Variants in SPTA1 observed in about 807,000 individuals in gnomAD.
The protein encoded by SPTA1 is spectrin alpha, erythrocytic 1, also known as spectrin alpha chain, erythrocytic 1.
Under a neutral mutation model 324.7 loss-of-function variants are expected in SPTA1, and 177 were observed. The observed-to-expected ratio is 0.55, with a 90% CI of 0.48 to 0.62. The LOEUF (loss-of-function observed/expected upper bound fraction) is 0.62. SPTA1 is among the 20% of genes least tolerant of loss of function. The pLI is 0.00. For synonymous variants in SPTA1, 1,195 were observed against 1,041.3 expected, an observed-to-expected ratio of 1.15 and a Z score of -2.84; for missense variants, 3,162 against 2,883.6, an observed-to-expected ratio of 1.10 and a Z score of -2.21.
chr1:158,654,867 C>A, intron 20 of SPTA1, 119 bp from the exon 21 acceptor site: 1 of 1,352,086 alleles, frequency 7.4e-7, no homozygotes, highest in East Asian at 2.4e-5. Flanking sequence ...GCTGGAACCT[C>A]TTACGTGGCT....
At chr1:158,613,913 A>G in intron 49 of SPTA1, 46 bp from the exon 50 acceptor site, 2 of 1,590,992 alleles carry the variant, frequency 1.3e-6, no homozygotes, top group Non-Finnish European at 1.7e-6. Flanking sequence ...CTCAATAGAA[A>G]AACCAAGTGA....
Position 158,672,079 on chromosome 1 carries a change from T to G in SPTA1, c.1468A>C (p.Ser490Arg), listed in dbSNP as rs751275995. The G allele has an allele frequency of 5.0e-6, 8 of 1,613,928 alleles. No individual in the cohort carries two copies. The African/African-American group carries it at 1.1e-4, about 22-fold the overall frequency. ...GTTACCTCTTGTCTACTCATCCAAC[T>G]GTCCACTTGCTCACTGTCTCTGTAG... The part of the protein sequence containing the change: ...LFYRDSEQVD[S>R]WMSRQEAFLE... The change falls in exon 11 of 52, where the codon AGT becomes CGT. Residue 490 changes from serine to arginine, a missense_variant. Transcript: ENST00000643759.
chr1:158,642,495 T>A lies in SPTA1; in HGVS notation c.4653A>T (p.Arg1551=), dbSNP rs1435655724. The A allele has an allele frequency of 6.2e-7, 1 of 1,613,562 alleles. No individual in the cohort carries two copies. Among genetic ancestry groups the A allele is most frequent in the Admixed American group, 1.7e-5 (1 of 59,940 alleles). ...TGATGACGCCATGCACCTGCTCAGA[T>A]CGGCCATCGACTTCATGTGCAAAGG... The part of the protein sequence containing the change: ...HQTFAHEVDG[R]SEQVHGVINL... Residue 1551 remains arginine (R), a synonymous_variant, in exon 33 of 52, where the codon CGA becomes CGT. Transcript: ENST00000643759.
At chr1:158,634,519 T>G (rs780973714) in intron 39 of SPTA1, 24 bp downstream of exon 39, 1 of 1,613,364 alleles carries the variant, frequency 6.2e-7, no homozygotes, top group Non-Finnish European at 8.5e-7. Flanking sequence ...AGAAGAAAAT[T>G]GATTCATTCT....
At chr1:158,657,963 G>A (rs558353290) in intron 18 of SPTA1, among the ~76,000 whole-genome samples, 49 of 152,262 alleles carry the variant, frequency 3.2e-4, no homozygotes, top group African/African-American at 1.2e-3. Context: ...TAATGTGTGG[G>A]TGACTGAGAG....
chr1:158,674,242 C>T, intron 10 of SPTA1, 87 bp downstream of exon 10: 2 of 1,317,484 alleles, frequency 1.5e-6, no homozygotes, highest in Admixed American at 3.4e-5. Flanking sequence ...TATTCTTTTC[C>T]CATTTAGAGA....
chr1:158,674,217 C>T (rs898054644), intron 10 of SPTA1, 112 bp downstream of exon 10: 26 of 1,103,438 alleles, frequency 2.4e-5, no homozygotes, highest in East Asian at 7.1e-5. Flanking sequence ...ATTATTAACA[C>T]GTTTAAATGA....
intron 16 of SPTA1, 147 bp downstream of exon 16, chr1:158,666,168 TA>T (rs968987100): frequency 3.1e-6 from 2 of 654,960 alleles, no homozygotes; most frequent in Non-Finnish European, 5.2e-6. Context: ...TATTACTTAA[TA>T]ATCAGTGTGC....
At chr1:158,655,318 A>G (rs536146902) in intron 20 of SPTA1, among the ~76,000 whole-genome samples, 1 of 136,846 alleles carries the variant, frequency 7.3e-6, no homozygotes, top group African/African-American at 3.7e-5. Flanking sequence ...CTTGTGTCTC[A>G]GTTTAGTAAG....
chr1:158,671,010 C>G (rs1653986273), intron 12 of SPTA1, among the ~76,000 whole-genome samples: 1 of 151,860 alleles, frequency 6.6e-6, no homozygotes, highest in Admixed American at 6.5e-5. Context: ...TGGCTACCAT[C>G]TAGAAAAACT....
At position 158,638,191 on chromosome 1, in the gene SPTA1, C is replaced by T. The variant is rs1374103315; in HGVS notation, c.5031G>A (p.Gly1677=). 19 of 1,613,660 alleles carry T rather than the reference C, an allele frequency of 1.2e-5. No homozygotes were observed. The highest frequency in any genetic ancestry group is 1.6e-5 in the Non-Finnish European group (19 of 1,179,968). ...TCACAATCTGATCAACGTTGAAAGT[C>T]CCGCTGGAGAGCAAATCTTCAGCCA... ...NTLAEDLLSS[G]TFNVDQIVKK... is the part of the protein sequence containing the mutation. The change falls in exon 36 of 52, where the codon GGG becomes GGA. Residue 1677 remains glycine (G), a synonymous_variant. Coordinates refer to ENST00000643759, the MANE Select transcript of SPTA1 (RefSeq NM_003126.4).
chr1:158,621,639 A>T (rs1447287860), intron 43 of SPTA1, among the ~76,000 whole-genome samples: 2 of 152,210 alleles, frequency 1.3e-5, no homozygotes, highest in African/African-American at 4.8e-5. Context: ...TAGAATGCAC[A>T]TATATGTGTA....
rs1487389517 is a variant in SPTA1 at position 158,611,135 on chromosome 1, A to G, written c.*129T>C. The G allele has an allele frequency of 1.4e-4, 72 of 503,312 alleles. No individual in the cohort carries two copies. Among genetic ancestry groups the G allele is most frequent in the Admixed American group, 3.3e-4 (8 of 24,136 alleles). The allele number at this position is 503,312 out of a possible 1,614,324, so 31.2% of individuals were successfully genotyped here. On this transcript the variant is annotated 3_prime_UTR_variant, in exon 52 of 52. Coordinates refer to ENST00000643759, the MANE Select transcript of SPTA1 (RefSeq NM_003126.4). ...GTAATATGCACACAAACACAAGCACACACACACACACACACACACACACAC... is the reference window on the plus strand; with the variant it reads ...GTAATATGCACACAAACACAAGCACGCACACACACACACACACACACACAC...
Position 158,615,323 on chromosome 1 carries a change from C to T in SPTA1, c.6681G>A (p.Leu2227=). Residue 2227 remains leucine (L), a synonymous_variant, in exon 48 of 52, where the codon CTG becomes CTA. Coordinates refer to ENST00000643759, the MANE Select transcript of SPTA1 (RefSeq NM_003126.4). ...VDLGDNLEDA[L]ILDIKYSTIG... Reference sequence around the variant, plus strand: ...TGGTGCTGTATTTGATATCAAGGATCAGAGCGTCTTCCAAGTTGTCCCCCA... The same window carrying T: ...TGGTGCTGTATTTGATATCAAGGATTAGAGCGTCTTCCAAGTTGTCCCCCA... 1 of 1,614,132 alleles carries T rather than the reference C, an allele frequency of 6.2e-7. No individual in the cohort carries two copies. Among genetic ancestry groups the T allele is most frequent in the Non-Finnish European group, 8.5e-7 (1 of 1,180,038 alleles).
rs778144495 is a variant in SPTA1, at chr1:158,674,566, G to C, written c.1222C>G (p.Leu408Val). 186 of 1,613,914 alleles carry C rather than the reference G, an allele frequency of 1.2e-4. No individual in the cohort carries two copies. Among genetic ancestry groups the C allele is most frequent in the Non-Finnish European group, 1.5e-4 (176 of 1,179,996 alleles). Residue 408 changes from leucine (L) to valine (V), a missense_variant, in exon 9 of 52, where the codon CTG (leucine) becomes GTG (valine). Leu to Val is a conservative substitution (Grantham distance 32). Coordinates refer to ENST00000643759, the MANE Select transcript of SPTA1 (RefSeq NM_003126.4). ...LPTDVAGGEV[L>V]LDRHQQHKHE... ...TTATGCTGCTGATGCCTGTCCAGCA[G>C]AACTTCTCCACCAGCCACATCTGTT...
At chr1:158,642,375 G>A (rs946479376) in intron 33 of SPTA1, 36 bp downstream of exon 33, 3 of 1,606,896 alleles carry the variant, frequency 1.9e-6, no homozygotes, top group Non-Finnish European at 1.7e-6. Flanking sequence ...TCCTCTTCAT[G>A]TGACTTTGTA....
intron 5 of SPTA1, among the ~76,000 whole-genome samples, chr1:158,679,427 T>C (rs971727610): frequency 6.6e-5 from 10 of 152,154 alleles, no homozygotes; most frequent in African/African-American, 1.9e-4. Flanking sequence ...TGCTTACTGA[T>C]AGAAAGTAGC....
At position 158,615,263 on chromosome 1, in the gene SPTA1, C is replaced by G. The variant is rs914525292; in HGVS notation, c.6741G>C (p.Gln2247His). 6 of 1,613,742 alleles carry G rather than the reference C, an allele frequency of 3.7e-6. No individual in the cohort carries two copies. The African/African-American group carries it at 8.0e-5, about 22-fold the overall frequency. Reference sequence around the variant, plus strand: ...GGTTGTGTTGCATCCGCAACCCAAGCTGGTAGAGCTGGTCCCACTGCTGAG... The same window carrying G: ...GGTTGTGTTGCATCCGCAACCCAAGGTGGTAGAGCTGGTCCCACTGCTGAG... The part of the protein sequence containing the change: ...GLAQQWDQLY[Q>H]LGLRMQHNLE... Residue 2247 changes from glutamine to histidine, a missense_variant, in exon 48 of 52, where the codon CAG becomes CAC. Physicochemically the swap from Gln to His is conservative, Grantham distance 24 (BLOSUM62 0). Coordinates refer to ENST00000643759, the MANE Select transcript of SPTA1 (RefSeq NM_003126.4).
At chr1:158,639,392 A>G in intron 35 of SPTA1, 190 bp downstream of exon 35, 1 of 635,586 alleles carries the variant, frequency 1.6e-6, no homozygotes, top group Non-Finnish European at 2.8e-6. Flanking sequence ...TTTAGGGATA[A>G]TTGATTATCA....
Sources: allele counts gnomAD v4.1 joint callset (sites outside exome capture counted in the v4.1 genomes callset), GRCh38; gene constraint gnomAD v4.1.1; transcripts MANE v1.5; gene names NCBI Gene and HGNC (gene_info 2026-07-23, HGNC 2026-07-21).